The following COL4A2 variants were observed in gnomAD, a reference collection of about 807,000 sequenced individuals.
COL4A2 encodes the protein collagen type IV alpha 2 chain.
A neutral mutation model predicts 200.2 loss-of-function variants in COL4A2; 99 were observed. The ratio of observed to expected loss-of-function variants is 0.49; its 90% confidence interval spans 0.42 to 0.58. COL4A2 has a LOEUF of 0.58. Among genes scored for constraint, COL4A2 ranks in the 20% least tolerant of loss-of-function variants. The pLI is 0.00. For synonymous variants in COL4A2, 897 were observed against 900.6 expected (o/e 1.00, Z 0.07); for missense variants, 1,950 against 2,314.1 (o/e 0.84, Z 3.23).
At chr13:110,339,584 A>G (rs9521701) in intron 3 of COL4A2, among the ~76,000 whole-genome samples, 36,804 of 151,718 alleles carry the variant, frequency 0.24, 4,677 homozygotes, top group Admixed American at 0.32. Context: ...GATATAGGGG[A>G]AAAAAAACAA....
intron 3 of COL4A2, among the ~76,000 whole-genome samples, chr13:110,329,073 G>C (rs1055492242): frequency 6.6e-6 from 1 of 152,140 alleles, no homozygotes; most frequent in Non-Finnish European, 1.5e-5. Flanking sequence ...AGCACAATGT[G>C]TTTAAAGCCC....
chr13:110,486,363 C>T (rs1356054136), intron 34 of COL4A2, among the ~76,000 whole-genome samples: 1 of 152,220 alleles, frequency 6.6e-6, no homozygotes, highest in African/African-American at 2.4e-5. Flanking sequence ...CACCTTCTCC[C>T]TCAGCTGCAG....
intron 3 of COL4A2, among the ~76,000 whole-genome samples, chr13:110,311,605 A>G (rs1049123722): frequency 7.9e-5 from 12 of 152,112 alleles, no homozygotes; most frequent in Non-Finnish European, 1.6e-4. Context: ...AGGGTCTGGC[A>G]CAGCCTGGGT....
rs1364896928 is a variant in COL4A2, at chr13:110,408,911, A to G, written c.181-15823A>G. On this transcript the variant is annotated intron_variant, in intron 4 of 47. Transcript: ENST00000360467. ...CACACGTTTACACACATGCAGATAT[A>G]CACATGCACACACACGTACACACGC... Among the ~76,000 whole-genome samples, 3 of 88,520 alleles carry G rather than the reference A, an allele frequency of 3.4e-5. 1 individual carries two copies. The highest frequency in any genetic ancestry group is 6.8e-5 in the Non-Finnish European group (3 of 43,822). The allele number at this position is 88,520 out of a possible 152,430, so 58.1% of individuals were successfully genotyped here. A position where few individuals can be genotyped will look rare whatever the true frequency, so the allele number is the denominator to read the frequency against.
In COL4A2 at chr13:110,473,882, T is replaced by A. The variant is rs1882575797; in HGVS notation, c.2425+732T>A. On this transcript the variant is annotated intron_variant, in intron 29 of 47. Coordinates refer to ENST00000360467, the MANE Select transcript of COL4A2 (RefSeq NM_001846.4). ...GCTTACACCTGTAATCCCAACACTT[T>A]GGGAGGCCAAGGTAAGAGGATTGAT... 3.9e-5 allele frequency among the ~76,000 whole-genome samples: 6 copies of A among 152,142 alleles called. No individual in the cohort carries two copies. In the South Asian group the frequency reaches 1.0e-3, roughly 26 times the overall value.
At chr13:110,412,578 A>T (rs1341925219) in intron 4 of COL4A2, among the ~76,000 whole-genome samples, 1 of 152,208 alleles carries the variant, frequency 6.6e-6, no homozygotes, top group East Asian at 1.9e-4. Context: ...AGCATTAAAC[A>T]TCTTCCTTTT....
intron 4 of COL4A2, among the ~76,000 whole-genome samples, chr13:110,381,216 C>G (rs886333845): frequency 2.0e-5 from 3 of 150,860 alleles, no homozygotes; most frequent in African/African-American, 7.3e-5. Context: ...CAGGTTCTAT[C>G]TCACACCCAT....
rs529617799 is a variant in COL4A2, at chr13:110,503,983, C to T, written c.4275C>T (p.Pro1425=). ...APGEMGPQGP[P]GEPGFRGAPG... is the part of the protein sequence containing the mutation. ...GGGAGATGGGGCCCCAGGGCCCCCCCGGAGAACCAGGTAGAGTGCTGAGCT... is the reference window on the plus strand; with the variant it reads ...GGGAGATGGGGCCCCAGGGCCCCCCTGGAGAACCAGGTAGAGTGCTGAGCT... Residue 1425 remains proline (P), a synonymous_variant, in exon 44 of 48, where the codon CCC becomes CCT. Transcript: ENST00000360467. 73 of 1,558,182 alleles carry T rather than the reference C, an allele frequency of 4.7e-5. No homozygotes were observed. The highest frequency in any genetic ancestry group is 1.0e-4 in the Admixed American group (5 of 48,006).
intron 5 of COL4A2, 29 bp downstream of exon 5, chr13:110,424,897 C>T (rs765881647): frequency 1.2e-6 from 2 of 1,614,156 alleles, no homozygotes; most frequent in Admixed American, 3.3e-5. Flanking sequence ...TTCCCCTGGC[C>T]TCATGAGGGT....
chr13:110,507,014 G>GAA (rs1326395929), intron 46 of COL4A2, among the ~76,000 whole-genome samples: 1 of 152,218 alleles, frequency 6.6e-6, no homozygotes, highest in South Asian at 2.1e-4. Flanking sequence ...GCCCCCCGAG[G>GAA]AAAATGGACC....
intron 21 of COL4A2, 89 bp downstream of exon 21, chr13:110,457,524 C>T (rs753416068): frequency 1.6e-4 from 127 of 792,940 alleles, no homozygotes; most frequent in South Asian, 1.3e-3. Flanking sequence ...CCCCCACTCA[C>T]GTGTTTGGAC....
intron 4 of COL4A2, among the ~76,000 whole-genome samples, chr13:110,371,741 G>A (rs1474893224): frequency 6.6e-6 from 1 of 152,128 alleles, no homozygotes; most frequent in Non-Finnish European, 1.5e-5. Context: ...GCATAGTGTA[G>A]GGCGGGCGGC....
chr13:110,329,836 A>G (rs1594149613), intron 3 of COL4A2, among the ~76,000 whole-genome samples: 1 of 152,182 alleles, frequency 6.6e-6, no homozygotes, highest in Non-Finnish European at 1.5e-5. Context: ...CACTGGCAGG[A>G]GGAGAGAAAA....
intron 3 of COL4A2, among the ~76,000 whole-genome samples, chr13:110,352,709 C>T (rs1010280017): frequency 6.6e-6 from 1 of 151,816 alleles, no homozygotes; most frequent in East Asian, 1.9e-4. Context: ...TCCCGAGTTC[C>T]CTGGGTGGGG....
intron 4 of COL4A2, among the ~76,000 whole-genome samples, chr13:110,402,442 C>G (rs1294679028): frequency 1.3e-5 from 2 of 152,286 alleles, no homozygotes; most frequent in South Asian, 4.1e-4. Context: ...ACTCCATATC[C>G]GCCTTCTGGA....
intron 3 of COL4A2, among the ~76,000 whole-genome samples, chr13:110,332,117 T>C (rs1168529378): frequency 6.6e-6 from 1 of 152,244 alleles, no homozygotes; most frequent in Non-Finnish European, 1.5e-5. Context: ...AATGATGGTT[T>C]TACATCCTTT....
chr13:110,409,115 A>G (rs1879723717), intron 4 of COL4A2, among the ~76,000 whole-genome samples: 1 of 60,342 alleles, frequency 1.7e-5, no homozygotes, highest in East Asian at 1.6e-3. Flanking sequence ...CACATAACAC[A>G]CATATACACA....
intron 4 of COL4A2, among the ~76,000 whole-genome samples, chr13:110,368,974 C>T (rs1336140502): frequency 3.3e-5 from 5 of 151,976 alleles, no homozygotes; most frequent in Admixed American, 2.0e-4. Flanking sequence ...TTTGGGAGGC[C>T]GAGGAGGGCG....
chr13:110,339,483 C>A (rs1253118977), intron 3 of COL4A2, among the ~76,000 whole-genome samples: 1 of 152,194 alleles, frequency 6.6e-6, no homozygotes, highest in Non-Finnish European at 1.5e-5. Flanking sequence ...AACGAGTTTA[C>A]TGCCTCCGAC....
Sources: gnomAD v4.1 joint callset for allele counts (sites outside exome capture counted in the v4.1 genomes callset) on GRCh38, gnomAD v4.1.1 for gene constraint, MANE v1.5 for transcripts, NCBI Gene and HGNC (gene_info 2026-07-23, HGNC 2026-07-21) for gene names.